LDLRAD4: variants seen among roughly 807,000 people sequenced by gnomAD.
The protein encoded by LDLRAD4 is low-density lipoprotein receptor class A domain-containing protein 4.
A neutral mutation model predicts 17.0 loss-of-function variants in LDLRAD4; 5 were observed. That is an observed-to-expected ratio of 0.29 (90% CI 0.15 to 0.62). The LOEUF is 0.62. LDLRAD4 is among the 20% of genes least tolerant of loss of function. LDLRAD4 has a pLI of 0.84. For synonymous variants in LDLRAD4, 168 were observed against 171.8 expected (o/e 0.98, Z 0.17); for missense variants, 340 against 424.7 (o/e 0.80, Z 1.75).
At chr18:13,591,654 A>G (rs1032881098) in intron 3 of LDLRAD4, among the ~76,000 whole-genome samples, 5 of 152,202 alleles carry the variant, frequency 3.3e-5, no homozygotes, top group African/African-American at 4.8e-5. Flanking sequence ...AAACCTAGGT[A>G]TTGGTATTGG....
At chr18:13,434,042 G>A (rs79079036) in intron 2 of LDLRAD4, among the ~76,000 whole-genome samples, 1 of 152,166 alleles carries the variant, frequency 6.6e-6, no homozygotes, top group African/African-American at 2.4e-5. Flanking sequence ...GGGAGGTGAG[G>A]GGTGGATCAG....
At chr18:13,496,119 G>A (rs1441871521) in intron 3 of LDLRAD4, among the ~76,000 whole-genome samples, 1 of 152,200 alleles carries the variant, frequency 6.6e-6, no homozygotes, top group Non-Finnish European at 1.5e-5. Context: ...TGTTTGCCAT[G>A]GGTACCAGTG....
At chr18:13,226,715 A>G (rs1439960062) in intron 1 of LDLRAD4, among the ~76,000 whole-genome samples, 1 of 109,684 alleles carries the variant, frequency 9.1e-6, no homozygotes, top group Non-Finnish European at 1.9e-5. Context: ...AATTTGAATA[A>G]AATAAAATAA....
chr18:13,394,808 GC>G (rs1460409566), intron 2 of LDLRAD4, among the ~76,000 whole-genome samples: 3 of 152,350 alleles, frequency 2.0e-5, no homozygotes, highest in Non-Finnish European at 4.4e-5. Flanking sequence ...GAAAATGGGG[GC>G]TTTTGTTCAT....
chr18:13,495,471 G>A (rs999111981), intron 3 of LDLRAD4, among the ~76,000 whole-genome samples: 2 of 152,204 alleles, frequency 1.3e-5, no homozygotes, highest in Non-Finnish European at 2.9e-5. Context: ...CAGCTTTGGT[G>A]CTGTCCCTTG....
chr18:13,305,946 A>ATG (rs1322389145), intron 1 of LDLRAD4, among the ~76,000 whole-genome samples: 1 of 152,252 alleles, frequency 6.6e-6, no homozygotes, highest in Non-Finnish European at 1.5e-5. Context: ...AGCAAAAGAA[A>ATG]TGCAAAGGAT....
At chr18:13,562,205 G>A (rs550044003) in intron 3 of LDLRAD4, among the ~76,000 whole-genome samples, 20 of 152,180 alleles carry the variant, frequency 1.3e-4, no homozygotes, top group Non-Finnish European at 2.5e-4. Context: ...TGCTTTTATA[G>A]GTAGATGTGG....
chr18:13,296,028 A>G (rs1307358975), intron 1 of LDLRAD4, among the ~76,000 whole-genome samples: 1 of 152,232 alleles, frequency 6.6e-6, no homozygotes, highest in Non-Finnish European at 1.5e-5. Context: ...CCGGCAGCCC[A>G]GGGTGGAGGC....
chr18:13,244,925 G>T (rs1261147824), intron 1 of LDLRAD4, among the ~76,000 whole-genome samples: 3 of 152,184 alleles, frequency 2.0e-5, no homozygotes, highest in East Asian at 1.9e-4. Context: ...TAGGTACTCT[G>T]GGAGAAACAA....
chr18:13,318,270 T>C (rs1463206914), intron 1 of LDLRAD4, among the ~76,000 whole-genome samples: 1 of 151,990 alleles, frequency 6.6e-6, no homozygotes, highest in Non-Finnish European at 1.5e-5. Context: ...GTGAAATCTT[T>C]TTTTTTTTTG....
intron 2 of LDLRAD4, among the ~76,000 whole-genome samples, chr18:13,391,966 C>G (rs564762449): frequency 1.3e-5 from 2 of 152,316 alleles, no homozygotes; most frequent in East Asian, 1.9e-4. Context: ...GGTTTTCACC[C>G]TTATGAATAA....
At chr18:13,539,366 C>T (rs1357511514) in intron 3 of LDLRAD4, among the ~76,000 whole-genome samples, 3 of 152,150 alleles carry the variant, frequency 2.0e-5, no homozygotes, top group Non-Finnish European at 4.4e-5. Context: ...AGCTCAATTT[C>T]CTTTTGTTAT....
At chr18:13,393,043 G>A (rs1053713613) in intron 2 of LDLRAD4, among the ~76,000 whole-genome samples, 1 of 152,172 alleles carries the variant, frequency 6.6e-6, no homozygotes, top group African/African-American at 2.4e-5. Flanking sequence ...ATGTAGGCTT[G>A]CTGGGGGTGT....
At chr18:13,548,801 G>A (rs1253105611) in intron 3 of LDLRAD4, among the ~76,000 whole-genome samples, 1 of 152,236 alleles carries the variant, frequency 6.6e-6, no homozygotes, top group Non-Finnish European at 1.5e-5. Context: ...CTGCTCCAGG[G>A]AGCACACGGC....
intron 3 of LDLRAD4, chr18:13,613,895 T>G (rs2039841695): frequency 1.3e-5 from 2 of 152,310 alleles, no homozygotes; most frequent in Admixed American, 6.5e-5. Context: ...TTTCCTCATT[T>G]TATTGTCATG....
At chr18:13,246,344 G>A (rs1287288842) in intron 1 of LDLRAD4, among the ~76,000 whole-genome samples, 1 of 152,230 alleles carries the variant, frequency 6.6e-6, no homozygotes, top group East Asian at 1.9e-4. Context: ...GCCTGGTGAT[G>A]TGCATTCTGG....
intron 3 of LDLRAD4, among the ~76,000 whole-genome samples, chr18:13,544,067 G>T (rs2094324737): frequency 6.6e-6 from 1 of 152,274 alleles, no homozygotes; most frequent in South Asian, 2.1e-4. Flanking sequence ...TGAAGCTGAG[G>T]CCGCACTTCT....
At chr18:13,309,261 G>A (rs766009535) in intron 1 of LDLRAD4, among the ~76,000 whole-genome samples, 9 of 152,178 alleles carry the variant, frequency 5.9e-5, no homozygotes, top group African/African-American at 9.7e-5. Flanking sequence ...GCTGGGGTAC[G>A]GTTCTTAGAG....
intron 3 of LDLRAD4, chr18:13,585,570 C>T (rs1432899927): frequency 2.0e-5 from 3 of 152,188 alleles, no homozygotes; most frequent in Admixed American, 2.0e-4. Context: ...ATACAGACTT[C>T]CTCTTCCAGG....
Sources: gnomAD v4.1 joint callset for allele counts (sites outside exome capture counted in the v4.1 genomes callset) on GRCh38, gnomAD v4.1.1 for gene constraint, MANE v1.5 for transcripts, NCBI Gene and HGNC (gene_info 2026-07-23, HGNC 2026-07-21) for gene names.